EEFSEC: variants seen among roughly 807,000 people sequenced by gnomAD.
The protein encoded by EEFSEC is selenocysteine-specific elongation factor.
A neutral mutation model predicts 42.1 loss-of-function variants in EEFSEC; 43 were observed. The observed-to-expected ratio is 1.02, with a 90% confidence interval of 0.80 to 1.32. The LOEUF is 1.32. Ranked by LOEUF, EEFSEC falls within the 40% of genes most tolerant of loss-of-function variation. EEFSEC has a pLI of 0.00. For missense variants in EEFSEC, 745 were observed against 803.6 expected (o/e 0.93, Z 0.88); for synonymous variants, 354 against 339.1 (o/e 1.04, Z -0.48).
At chr3:128,157,641 C>T (rs1944404328) in intron 1 of EEFSEC, among the ~76,000 whole-genome samples, 2 of 152,148 alleles carry the variant, frequency 1.3e-5, no homozygotes. Flanking sequence ...GATGACAGCA[C>T]ATCTGTTTAT....
chr3:128,399,158 C>G (rs990144732), intron 6 of EEFSEC, among the ~76,000 whole-genome samples: 4 of 152,176 alleles, frequency 2.6e-5, no homozygotes, highest in Non-Finnish European at 5.9e-5. Context: ...CCTCCCCACG[C>G]TCCCCAATCT....
At chr3:128,416,567 T>C in the EEFSEC span, among the ~76,000 whole-genome samples, 3 of 151,950 alleles carry the variant, frequency 2.0e-5, no homozygotes, top group Non-Finnish European at 4.4e-5. Flanking sequence ...GGAGAGAGGC[T>C]TATGGGAAGT....
At chr3:128,299,292 GT>G (rs1312656383) in intron 4 of EEFSEC, among the ~76,000 whole-genome samples, 1 of 152,020 alleles carries the variant, frequency 6.6e-6, no homozygotes, top group East Asian at 1.9e-4. Context: ...ACTCATTGTC[GT>G]TTGGATTTGC....
In EEFSEC at chr3:128,246,945, C is replaced by T. The variant is rs779169658; in HGVS notation, c.426C>T (p.Val142=). 13 of 1,613,972 alleles carry T rather than the reference C, an allele frequency of 8.1e-6. No individual in the cohort carries two copies. In the Admixed American group the frequency reaches 1.2e-4, roughly 14 times the overall value. ...VIGQIACQKL[V]VVLNKIDLLP... ...GCCAGATTGCCTGCCAGAAGCTGGT[C>T]GTGGTGCTGAACAAAATAGACCTCT... Residue 142 remains valine, a synonymous_variant, in exon 2 of 7, where the codon GTC becomes GTT. Transcript: ENST00000254730.
downstream of EEFSEC, among the ~76,000 whole-genome samples, chr3:128,412,346 C>T (rs371216330): frequency 6.6e-6 from 1 of 152,236 alleles, no homozygotes; most frequent in Non-Finnish European, 1.5e-5. Flanking sequence ...CCTCCTCTGC[C>T]GAGCAGCCTC....
At chr3:128,350,879 T>C (rs748311163) in intron 5 of EEFSEC, among the ~76,000 whole-genome samples, 2 of 152,122 alleles carry the variant, frequency 1.3e-5, no homozygotes, top group Non-Finnish European at 2.9e-5. Context: ...TGGCCTGCAT[T>C]GAGGAGGAGA....
chr3:128,255,850 G>A (rs533575071), intron 2 of EEFSEC, among the ~76,000 whole-genome samples: 5 of 152,196 alleles, frequency 3.3e-5, no homozygotes, highest in East Asian at 1.9e-4. Context: ...GCTGGGGAGC[G>A]GGGCCGGGGC....
At chr3:128,309,229 C>T (rs2066864697) in intron 4 of EEFSEC, among the ~76,000 whole-genome samples, 1 of 152,116 alleles carries the variant, frequency 6.6e-6, no homozygotes. Flanking sequence ...GAAGAGCTGA[C>T]AGAGACTCTG....
At chr3:128,244,463 T>TG (rs2066105394) in intron 1 of EEFSEC, among the ~76,000 whole-genome samples, 1 of 147,282 alleles carries the variant, frequency 6.8e-6, no homozygotes, top group Non-Finnish European at 1.5e-5. Context: ...ACAGCCACAT[T>TG]GGGGAGTCTT....
chr3:128,295,624 G>T (rs1482498423), intron 4 of EEFSEC, among the ~76,000 whole-genome samples: 7 of 140,962 alleles, frequency 5.0e-5, no homozygotes, highest in African/African-American at 1.1e-4. Context: ...AATCTTCCTT[G>T]GGGCTGGAAC....
chr3:128,302,575 AGAG>A (rs1291629230), intron 4 of EEFSEC, among the ~76,000 whole-genome samples: 1 of 152,214 alleles, frequency 6.6e-6, no homozygotes, highest in Non-Finnish European at 1.5e-5. Context: ...TTTATACAGA[AGAG>A]GAAAAAATAA....
chr3:128,254,866 G>C (rs1385560199), intron 2 of EEFSEC, among the ~76,000 whole-genome samples: 1 of 152,158 alleles, frequency 6.6e-6, no homozygotes, highest in Non-Finnish European at 1.5e-5. Flanking sequence ...GAGAGCAGTT[G>C]GGAGGCCTGG....
chr3:128,215,904 G>A (rs1440761157), intron 1 of EEFSEC, among the ~76,000 whole-genome samples: 1 of 152,120 alleles, frequency 6.6e-6, no homozygotes, highest in Non-Finnish European at 1.5e-5. Flanking sequence ...GAGAGACTGA[G>A]TGGCCAGCTC....
At chr3:128,165,351 A>G (rs926623959) in intron 1 of EEFSEC, among the ~76,000 whole-genome samples, 1 of 152,230 alleles carries the variant, frequency 6.6e-6, no homozygotes, top group African/African-American at 2.4e-5. Flanking sequence ...CACTTTATAT[A>G]TAAATCAAAT....
At chr3:128,397,892 G>A (rs7627076) in intron 6 of EEFSEC, among the ~76,000 whole-genome samples, 2,228 of 152,320 alleles carry the variant, frequency 0.015, 51 homozygotes, top group African/African-American at 0.05. Flanking sequence ...CTCACTGCCT[G>A]CAGGGATGAC....
At chr3:128,334,085 T>C (rs919546609) in intron 4 of EEFSEC, among the ~76,000 whole-genome samples, 20 of 152,190 alleles carry the variant, frequency 1.3e-4, no homozygotes, top group African/African-American at 4.3e-4. Context: ...GGGCTGCTGC[T>C]GACCTTCCCC....
rs369443651 is a variant in EEFSEC, at chr3:128,156,801, C to T, written c.316+2978C>T. On this transcript the variant is annotated intron_variant, in intron 1 of 6. Coordinates refer to ENST00000254730, the MANE Select transcript of EEFSEC (RefSeq NM_021937.5). The stretch of plus-strand genomic sequence containing the variant: ...TACTGGCTTTTTCCCTGTCTGTCTC[C>T]CTCTCCTCAGGCCTCCCTATTCCCT... 5.3e-5 allele frequency among the ~76,000 whole-genome samples: 8 copies of T among 152,232 alleles called. No individual in the cohort carries two copies. The South Asian group carries it at 6.2e-4, about 12-fold the overall frequency.
intron 1 of EEFSEC, among the ~76,000 whole-genome samples, chr3:128,224,684 T>C (rs79613209): frequency 0.012 from 1,825 of 152,326 alleles, 41 homozygotes; most frequent in African/African-American, 0.041. Context: ...TGAATACTTA[T>C]GTATATATCT....
At chr3:128,273,679 T>G (rs1431259530) in intron 4 of EEFSEC, among the ~76,000 whole-genome samples, 1 of 152,248 alleles carries the variant, frequency 6.6e-6, no homozygotes, top group Non-Finnish European at 1.5e-5. Context: ...GGCCTGGACC[T>G]GTGACAGTGG....
Sources: allele counts gnomAD v4.1 joint callset (sites outside exome capture counted in the v4.1 genomes callset), GRCh38; gene constraint gnomAD v4.1.1; transcripts MANE v1.5; gene names NCBI Gene and HGNC (gene_info 2026-07-23, HGNC 2026-07-21).